RTN4RL1: variants seen among roughly 807,000 people sequenced by gnomAD.
RTN4RL1 encodes the protein reticulon-4 receptor-like 1.
A neutral mutation model predicts 25.6 loss-of-function variants in RTN4RL1; 7 were observed. That is an observed-to-expected ratio of 0.27 (90% CI 0.16 to 0.51). RTN4RL1 has a LOEUF of 0.51. RTN4RL1 is among the 20% of genes least tolerant of loss of function. RTN4RL1 has a pLI of 0.97. For missense variants in RTN4RL1, 500 were observed against 615.6 expected, an observed-to-expected ratio of 0.81 and a Z score of 1.99; for synonymous variants, 297 against 288.2, an observed-to-expected ratio of 1.03 and a Z score of -0.31.
intron 1 of RTN4RL1, among the ~76,000 whole-genome samples, chr17:1,971,710 C>T (rs945994538): frequency 2.0e-5 from 3 of 151,990 alleles, no homozygotes; most frequent in East Asian, 1.9e-4. Flanking sequence ...AGCCTGTAAT[C>T]CCAGCACTTT....
intron 1 of RTN4RL1, among the ~76,000 whole-genome samples, chr17:1,948,622 G>C (rs988290918): frequency 6.6e-6 from 1 of 152,136 alleles, no homozygotes; most frequent in African/African-American, 2.4e-5. Flanking sequence ...CGGGCGGACG[G>C]GCGGATGGGC....
chr17:1,961,947 C>CAA lies in RTN4RL1; in HGVS notation c.14-24141_14-24140dup, dbSNP rs368701033. Among the ~76,000 whole-genome samples, 981 of 104,950 alleles carry CAA rather than the reference C, an allele frequency of 9.3e-3. 14 individuals carry two copies. The highest frequency in any genetic ancestry group is 0.029 in the African/African-American group (796 of 27,540). The allele number at this position is 104,950 out of a possible 152,430, so 68.9% of individuals were successfully genotyped here. On this transcript the variant is annotated intron_variant, in intron 1 of 1. Transcript: ENST00000331238. Reference sequence around the variant, plus strand: ...TGGGCTACAGAGCGAGACTCTGCCTCAAAAAAAAAAAAGAAAAGAAAAGAA... The same window carrying CAA: ...TGGGCTACAGAGCGAGACTCTGCCTCAAAAAAAAAAAAAAGAAAAGAAAAGAA...
chr17:2,006,768 A>G (rs907056058), intron 1 of RTN4RL1, among the ~76,000 whole-genome samples: 3 of 152,304 alleles, frequency 2.0e-5, no homozygotes, highest in African/African-American at 7.2e-5. Flanking sequence ...TTACAGGCAC[A>G]TGCCATGATG....
At chr17:1,939,215 T>C (rs185571495) in intron 1 of RTN4RL1, among the ~76,000 whole-genome samples, 1,724 of 148,346 alleles carry the variant, frequency 0.012, 27 homozygotes, top group African/African-American at 0.041. Flanking sequence ...TAGCCGGGCG[T>C]GGTGGCGCGC....
chr17:1,978,811 A>G (rs1466419842), intron 1 of RTN4RL1, among the ~76,000 whole-genome samples: 1 of 152,172 alleles, frequency 6.6e-6, no homozygotes. Flanking sequence ...GAATCCCAAC[A>G]CAGTGCTCCA....
intron 1 of RTN4RL1, among the ~76,000 whole-genome samples, chr17:1,979,335 G>C (rs567210380): frequency 6.6e-6 from 1 of 151,704 alleles, no homozygotes; most frequent in Admixed American, 6.6e-5. Flanking sequence ...AAATTACCCA[G>C]GCATGGTGGC....
chr17:2,015,391 C>T (rs1056176013), intron 1 of RTN4RL1, among the ~76,000 whole-genome samples: 2 of 152,096 alleles, frequency 1.3e-5, no homozygotes, highest in Admixed American at 6.6e-5. Flanking sequence ...AGGCTGGAGA[C>T]GGGATATCTG....
In RTN4RL1 at chr17:1,998,149, G is replaced by A. The variant is rs1405116503; in HGVS notation, c.13+26704C>T. ...CAGACGGCGGCGGAGGGGGCGGGGA[G>A]GCCTCCTTGGCTCCCTGGCCCGGAT... On this transcript the variant is annotated intron_variant, in intron 1 of 1. Transcript: ENST00000331238. This position sits in a 1 kb window ranked among gnomAD's most constrained non-coding sequence, Gnocchi z 4.9. 1.3e-5 allele frequency among the ~76,000 whole-genome samples: 2 copies of A among 152,180 alleles called. No individual in the cohort carries two copies. The highest frequency in any genetic ancestry group is 6.5e-5 in the Admixed American group (1 of 15,288).
chr17:1,951,836 C>G lies in RTN4RL1; in HGVS notation c.14-14028G>C, dbSNP rs577943209. Among the ~76,000 whole-genome samples the G allele has an allele frequency of 2.6e-5, 4 of 152,310 alleles. No individual in the cohort carries two copies. In the East Asian group the frequency reaches 7.7e-4, roughly 29 times the overall value. Reference sequence around the variant, plus strand: ...ACTAACGTGAGGACAGAGAAGCGCCCCACTGATTTGGCGACTTGGAGGCCA... The same window carrying G: ...ACTAACGTGAGGACAGAGAAGCGCCGCACTGATTTGGCGACTTGGAGGCCA... On this transcript the variant is annotated intron_variant, in intron 1 of 1. Transcript: ENST00000331238.
chr17:1,936,980 G>C lies in RTN4RL1; in HGVS notation c.842C>G (p.Pro281Arg), dbSNP rs1423263163. Residue 281 changes from proline to arginine, a missense_variant, in exon 2 of 2, where the codon CCC (proline) becomes CGC (arginine). Coordinates refer to ENST00000331238, the MANE Select transcript of RTN4RL1 (RefSeq NM_178568.4). The stretch of plus-strand genomic sequence containing the variant: ...GTGCCGCAGCCCAGGGGACACACAG[G>C]GGACAGCGGAGCTGGAGCCCCGGAA... ...QRFRGSSSAV[P>R]CVSPGLRHGQ... 3.7e-6 allele frequency: 6 copies of C among 1,606,328 alleles called. No homozygotes were observed. In the African/African-American group the frequency reaches 6.7e-5, roughly 18 times the overall value.
At chr17:2,004,234 G>T (rs1429689420) in intron 1 of RTN4RL1, among the ~76,000 whole-genome samples, 1 of 151,400 alleles carries the variant, frequency 6.6e-6, no homozygotes, top group African/African-American at 2.4e-5. Flanking sequence ...CGGGTGTGGT[G>T]GCGGGCGCCT....
rs1209619967 is a variant in RTN4RL1 at position 1,998,171 on chromosome 17, G to A, written c.13+26682C>T. Among the ~76,000 whole-genome samples the A allele has an allele frequency of 6.6e-6, 1 of 152,146 alleles. No individual in the cohort carries two copies. Among genetic ancestry groups the A allele is most frequent in the South Asian group, 2.1e-4 (1 of 4,822 alleles). On this transcript the variant is annotated intron_variant, in intron 1 of 1. Coordinates refer to ENST00000331238, the MANE Select transcript of RTN4RL1 (RefSeq NM_178568.4). The surrounding 1 kb of genome is among the most constrained non-coding windows in gnomAD (Gnocchi z 4.9). ...GGAGGCCTCCTTGGCTCCCTGGCCCGGATTAAATATTTACTATGTTTTGTT... is the reference window on the plus strand; with the variant it reads ...GGAGGCCTCCTTGGCTCCCTGGCCCAGATTAAATATTTACTATGTTTTGTT...
At chr17:2,012,316 G>T (rs1016580650) in intron 1 of RTN4RL1, among the ~76,000 whole-genome samples, 1 of 152,232 alleles carries the variant, frequency 6.6e-6, no homozygotes, top group Non-Finnish European at 1.5e-5. Flanking sequence ...GTCTTTCCGT[G>T]CCTGCTGGCT....
intron 1 of RTN4RL1, among the ~76,000 whole-genome samples, chr17:1,942,043 G>A (rs1053459908): frequency 2.6e-5 from 4 of 152,156 alleles, no homozygotes; most frequent in Non-Finnish European, 4.4e-5. Context: ...CTCCGGAGGA[G>A]CCCTGCACCC....
At chr17:2,010,696 T>A (rs956818724) in intron 1 of RTN4RL1, among the ~76,000 whole-genome samples, 1 of 151,686 alleles carries the variant, frequency 6.6e-6, no homozygotes, top group Non-Finnish European at 1.5e-5. Flanking sequence ...TAGCTGGGAC[T>A]ACAGGCACAC....
At chr17:1,984,316 G>C (rs2066879305) in intron 1 of RTN4RL1, among the ~76,000 whole-genome samples, 1 of 152,228 alleles carries the variant, frequency 6.6e-6, no homozygotes. Flanking sequence ...TGGCGTGAAG[G>C]TGACACAGGT....
rs773997178 is a variant in RTN4RL1 at position 1,937,649 on chromosome 17, C to T, written c.173G>A (p.Arg58His). 2 of 1,613,832 alleles carry T rather than the reference C, an allele frequency of 1.2e-6. No homozygotes were observed. Among genetic ancestry groups the T allele is most frequent in the South Asian group, 1.1e-5 (1 of 91,062 alleles). ...IPEGIPVDSE[R>H]VFLQNNRIGL... ...GATGCGGTTGTTCTGCAGGAAGACG[C>T]GCTCGCTGTCCACGGGGATGCCCTC... Residue 58 changes from arginine (R) to histidine (H), a missense_variant, in exon 2 of 2, where the codon CGC (arginine) becomes CAC (histidine). Arg to His is a conservative substitution (Grantham distance 29). Coordinates refer to ENST00000331238, the MANE Select transcript of RTN4RL1 (RefSeq NM_178568.4).
rs368279860 is a variant in RTN4RL1, at chr17:2,006,305, G to T, written c.13+18548C>A. ...CCCAAGTAGCTGGGATTACAGGCGC[G>T]CGCCACCACACCCAGCTAATTTTTT... On this transcript the variant is annotated intron_variant, in intron 1 of 1. Coordinates refer to ENST00000331238, the MANE Select transcript of RTN4RL1 (RefSeq NM_178568.4). Among the ~76,000 whole-genome samples, 10 of 151,594 alleles carry T rather than the reference G, an allele frequency of 6.6e-5. No homozygotes were observed. In the South Asian group the frequency reaches 1.9e-3, roughly 29 times the overall value.
chr17:1,980,044 G>C lies in RTN4RL1; in HGVS notation c.14-42236C>G, dbSNP rs552781407. 3.9e-5 allele frequency among the ~76,000 whole-genome samples: 6 copies of C among 152,098 alleles called. No homozygotes were observed. The South Asian group carries it at 1.2e-3, about 32-fold the overall frequency. On this transcript the variant is annotated intron_variant, in intron 1 of 1. Coordinates refer to ENST00000331238, the MANE Select transcript of RTN4RL1 (RefSeq NM_178568.4). ...AATCCCAGCACTCCTAATCCACTTG[G>C]CTCAGATATATTTTTTCTTTTCTTT...
Sources: allele counts gnomAD v4.1 joint callset (sites outside exome capture counted in the v4.1 genomes callset), GRCh38; gene constraint gnomAD v4.1.1; non-coding constraint Gnocchi (gnomAD v3.1); transcripts MANE v1.5; gene names NCBI Gene and HGNC (gene_info 2026-07-23, HGNC 2026-07-21).